SLC44A5: variants seen among roughly 807,000 people sequenced by gnomAD.
SLC44A5 encodes choline transporter-like protein 5.
In SLC44A5, 57 loss-of-function variants were observed where a neutral mutation model predicts 101.8. The ratio of observed to expected loss-of-function variants is 0.56; its 90% CI spans 0.45 to 0.70. The LOEUF is 0.70. SLC44A5 is among the 30% of genes least tolerant of loss of function. The probability of loss-of-function intolerance (pLI) is 0.00; values close to 1 mark genes in which losing one functional copy is unlikely to be tolerated. For missense variants in SLC44A5, 737 were observed against 853.1 expected (o/e 0.86, Z 1.70); for synonymous variants, 281 against 290.9 (o/e 0.97, Z 0.35).
intron 2 of SLC44A5, among the ~76,000 whole-genome samples, chr1:75,429,602 G>A (rs964650863): frequency 6.6e-6 from 1 of 152,158 alleles, no homozygotes; most frequent in African/African-American, 2.4e-5. Context: ...TCACAGCTCT[G>A]CAGGCTGTAT....
At chr1:75,388,733 C>T (rs1051309548) in intron 3 of SLC44A5, among the ~76,000 whole-genome samples, 5 of 151,362 alleles carry the variant, frequency 3.3e-5, no homozygotes, top group South Asian at 4.2e-4. Context: ...GAGCCGAGAT[C>T]GCTCCACTGC....
chr1:75,537,034 A>ATATATATATG (rs1553199991), intron 2 of SLC44A5, among the ~76,000 whole-genome samples: 242 of 18,524 alleles, frequency 0.013, 2 homozygotes, highest in African/African-American at 0.024. Context: ...AAAAAAAAAA[A>ATATATATATG]TATATATCTA....
At chr1:75,263,290 A>G (rs184444097) in intron 6 of SLC44A5, among the ~76,000 whole-genome samples, 27 of 152,356 alleles carry the variant, frequency 1.8e-4, no homozygotes, top group Admixed American at 1.5e-3. Context: ...ACAAGATAAA[A>G]ACAAACAACA....
At position 75,215,798 on chromosome 1, in the gene SLC44A5, A is replaced by G. The variant is rs772566414; in HGVS notation, c.1684T>C (p.Leu562=). 10 of 1,609,356 alleles carry G rather than the reference A, an allele frequency of 6.2e-6. No homozygotes were observed. The highest frequency in any genetic ancestry group is 8.5e-6 in the Non-Finnish European group (10 of 1,176,146). ...TTTAAAAACTTTATTGCATTTTCCA[A>G]ACACCAGAAGCAGCATCTCAGGCAG... The part of the protein sequence containing the change: ...QCCLRCCFWC[L]ENAIKFLNRN... Residue 562 remains leucine, a synonymous_variant, in exon 19 of 24, where the codon TTG becomes CTG. Transcript: ENST00000370859.
chr1:75,650,901 T>C, the SLC44A5 span, among the ~76,000 whole-genome samples: 3 of 152,240 alleles, frequency 2.0e-5, no homozygotes, highest in Non-Finnish European at 2.9e-5. Context: ...GCCTAGATAT[T>C]GCTTTTACCG....
At chr1:75,274,370 T>C (rs1651745428) in intron 6 of SLC44A5, among the ~76,000 whole-genome samples, 1 of 152,070 alleles carries the variant, frequency 6.6e-6, no homozygotes, top group African/African-American at 2.4e-5. Flanking sequence ...ATTAGAAAAA[T>C]AGACAATGTG....
chr1:75,402,949 G>A (rs959167088), intron 2 of SLC44A5, among the ~76,000 whole-genome samples: 4 of 152,172 alleles, frequency 2.6e-5, no homozygotes, highest in African/African-American at 9.7e-5. Flanking sequence ...CCACTAGCTC[G>A]AAATTCTCGC....
At chr1:75,445,775 GC>G (rs1365004228) in intron 2 of SLC44A5, among the ~76,000 whole-genome samples, 1 of 151,910 alleles carries the variant, frequency 6.6e-6, no homozygotes, top group Non-Finnish European at 1.5e-5. Flanking sequence ...CTCTCCAACT[GC>G]CCATGTGGCA....
chr1:75,347,685 A>AGTGAGT (rs1553164722), intron 3 of SLC44A5, among the ~76,000 whole-genome samples: 1 of 147,944 alleles, frequency 6.8e-6, no homozygotes, highest in Non-Finnish European at 1.5e-5. Flanking sequence ...AGTGGTGGTG[A>AGTGAGT]GTGTGTGTGT....
intron 2 of SLC44A5, among the ~76,000 whole-genome samples, chr1:75,428,962 T>C (rs994360224): frequency 7.9e-5 from 12 of 152,182 alleles, no homozygotes; most frequent in African/African-American, 2.9e-4. Context: ...ATACACCATA[T>C]AGGTGGTCAC....
chr1:75,502,556 A>AT (rs1056862718), intron 2 of SLC44A5, among the ~76,000 whole-genome samples: 3 of 115,278 alleles, frequency 2.6e-5, no homozygotes, highest in Admixed American at 7.6e-5. Flanking sequence ...TTATTTGTTT[A>AT]TTTTTTTATT....
intron 3 of SLC44A5, among the ~76,000 whole-genome samples, chr1:75,353,550 G>T (rs1321693136): frequency 6.6e-6 from 1 of 152,148 alleles, no homozygotes; most frequent in South Asian, 2.1e-4. Flanking sequence ...AACAAATAAT[G>T]AAATTTATCT....
intron 5 of SLC44A5, among the ~76,000 whole-genome samples, chr1:75,298,153 T>TA (rs897169179): frequency 1.3e-5 from 2 of 152,194 alleles, no homozygotes; most frequent in Admixed American, 1.3e-4. Flanking sequence ...TCTTTCATGG[T>TA]AAAAAATCCT....
At chr1:75,221,844 G>A (rs1017758225) in intron 14 of SLC44A5, among the ~76,000 whole-genome samples, 5 of 152,082 alleles carry the variant, frequency 3.3e-5, no homozygotes, top group African/African-American at 1.2e-4. Flanking sequence ...AATGATTATT[G>A]AGGTTTGGGG....
intron 2 of SLC44A5, among the ~76,000 whole-genome samples, chr1:75,481,428 T>A (rs1344552001): frequency 6.6e-6 from 1 of 152,018 alleles, no homozygotes; most frequent in Non-Finnish European, 1.5e-5. Context: ...CTCAAGAGCT[T>A]CTGCACAGCA....
At chr1:75,674,231 G>T in the SLC44A5 span, among the ~76,000 whole-genome samples, 1 of 151,984 alleles carries the variant, frequency 6.6e-6, no homozygotes, top group South Asian at 2.1e-4. Flanking sequence ...TAATTAAAAA[G>T]AATCAAGTAG....
intron 3 of SLC44A5, chr1:75,353,869 T>C (rs1157540352): frequency 5.5e-6 from 1 of 180,742 alleles, no homozygotes; most frequent in Non-Finnish European, 1.2e-5. Context: ...CATTCCCTCC[T>C]GCTAAGGCAG....
At chr1:75,279,530 A>G (rs571590153) in intron 5 of SLC44A5, among the ~76,000 whole-genome samples, 1 of 152,286 alleles carries the variant, frequency 6.6e-6, no homozygotes, top group South Asian at 2.1e-4. Context: ...AAATTGTGAA[A>G]TAAGAAATAT....
At chr1:75,219,199 T>C (rs1463976949) in intron 16 of SLC44A5, 58 bp downstream of exon 16, 2 of 1,191,794 alleles carry the variant, frequency 1.7e-6, no homozygotes, top group East Asian at 2.3e-5. Context: ...AACTACAAAA[T>C]GAATTGCAGC....
Sources: gnomAD v4.1 joint callset for allele counts (sites outside exome capture counted in the v4.1 genomes callset) on GRCh38, gnomAD v4.1.1 for gene constraint, MANE v1.5 for transcripts, NCBI Gene and HGNC (gene_info 2026-07-23, HGNC 2026-07-21) for gene names.